The following NT5C1B variants were observed in gnomAD, a reference collection of about 807,000 sequenced individuals.
The protein encoded by NT5C1B is 5'-nucleotidase, cytosolic IB.
Under a neutral mutation model 57.8 loss-of-function variants are expected in NT5C1B, and 44 were observed. The ratio of observed to expected loss-of-function variants is 0.76; its 90% CI spans 0.60 to 0.98. The LOEUF is 0.98. Among genes scored for constraint, NT5C1B ranks in the 50% least tolerant of loss-of-function variants. The probability of loss-of-function intolerance (pLI) is 0.00; values close to 1 mark genes in which losing one functional copy is unlikely to be tolerated. For synonymous variants in NT5C1B, 284 were observed against 282.6 expected (o/e 1.00, Z -0.05); for missense variants, 742 against 719.5 (o/e 1.03, Z -0.36).
intron 2 of NT5C1B, chr2:18,586,945 A>C: frequency 1.2e-6 from 2 of 1,613,538 alleles, no homozygotes; most frequent in Non-Finnish European, 1.7e-6. Context: ...CCCCTCACCC[A>C]GGTTGTCTGT....
chr2:18,576,483 A>G, intron 7 of NT5C1B, 115 bp from the exon 8 acceptor site: 1 of 1,382,922 alleles, frequency 7.2e-7, no homozygotes, highest in South Asian at 1.6e-5. Flanking sequence ...CTATTACCTG[A>G]TGGCTCAACT....
At chr2:18,588,597 G>A (rs1014663630) in intron 1 of NT5C1B, among the ~76,000 whole-genome samples, 1 of 152,116 alleles carries the variant, frequency 6.6e-6, no homozygotes, top group African/African-American at 2.4e-5. Context: ...AATTCCAAAT[G>A]ATATTTTGAA....
chr2:18,581,546 C>T (rs917494724), intron 6 of NT5C1B, among the ~76,000 whole-genome samples: 1 of 151,512 alleles, frequency 6.6e-6, no homozygotes, highest in South Asian at 2.1e-4. Flanking sequence ...TAGGTCAGGT[C>T]CATTAACTGT....
At chr2:18,577,629 T>C (rs1169286897) in intron 6 of NT5C1B, among the ~76,000 whole-genome samples, 1 of 151,492 alleles carries the variant, frequency 6.6e-6, no homozygotes, top group African/African-American at 2.4e-5. Flanking sequence ...GGGGAGTTTA[T>C]AGCACGAAAC....
rs115077511 is a variant in NT5C1B at position 18,588,469 on chromosome 2, T to C, written c.31-877A>G. On this transcript the variant is annotated intron_variant, in intron 1 of 8. Coordinates refer to ENST00000304081, the Ensembl canonical transcript of NT5C1B. ...ATCAATGTTAGTTGCATGAGAATGT[T>C]AGTTGCATGAGAGAATGGCATAGCT... Among the ~76,000 whole-genome samples, 1,365 of 152,302 alleles carry C rather than the reference T, an allele frequency of 9.0e-3. 13 individuals carry two copies. Among genetic ancestry groups the C allele is most frequent in the Middle Eastern group, 0.014 (4 of 294 alleles).
At chr2:18,588,333 T>G (rs145213026) in intron 1 of NT5C1B, among the ~76,000 whole-genome samples, 1 of 152,266 alleles carries the variant, frequency 6.6e-6, no homozygotes, top group Non-Finnish European at 1.5e-5. Context: ...TGATCAAGAT[T>G]AGTGTTATTT....
At chr2:18,566,193 T>C (rs556625430) in intron 8 of NT5C1B, among the ~76,000 whole-genome samples, 190 of 152,308 alleles carry the variant, frequency 1.2e-3, no homozygotes, top group African/African-American at 4.2e-3. Context: ...ATGTATTCAA[T>C]GTCAGCTCTC....
At position 18,584,347 on chromosome 2, in the gene NT5C1B, CGGGCCCCTGCTT is replaced by C; in HGVS notation, c.724-104_724-93del. ...CCAGGGTAGGGTGAGAGTAGGACAG[CGGGCCCCTGCTT>C]GGAGAAGCGGGATGCTGGAGACAGC... On this transcript the variant is annotated intron_variant, in intron 4 of 8. Coordinates refer to ENST00000304081, the Ensembl canonical transcript of NT5C1B. This position sits in a 1 kb window ranked among gnomAD's most constrained non-coding sequence, Gnocchi z 5.8. 1.3e-6 allele frequency: 2 copies of C among 1,555,132 alleles called. No individual in the cohort carries two copies. The highest frequency in any genetic ancestry group is 2.7e-5 in the African/African-American group (2 of 73,582).
At chr2:18,587,886 A>G (rs1040218055) in intron 1 of NT5C1B, among the ~76,000 whole-genome samples, 1 of 152,164 alleles carries the variant, frequency 6.6e-6, no homozygotes, top group Admixed American at 6.5e-5. Flanking sequence ...ATATTAGAGA[A>G]TTGTGAAGTT....
rs1356409463 is a variant in NT5C1B at position 18,580,507 on chromosome 2, C to A, written c.1021+2361G>T. Among the ~76,000 whole-genome samples the A allele has an allele frequency of 2.0e-5, 3 of 152,026 alleles. No homozygotes were observed. In the East Asian group the frequency reaches 5.8e-4, roughly 29 times the overall value. On this transcript the variant is annotated intron_variant, in intron 6 of 8. Coordinates refer to ENST00000304081, the Ensembl canonical transcript of NT5C1B. ...GCACATGCCTGTAATCCCAGCTACT[C>A]GGGAGGCTGAGGCAGGAGAATCACT...
At chr2:18,564,710 T>C (rs972330456) in intron 8 of NT5C1B, among the ~76,000 whole-genome samples, 1 of 152,210 alleles carries the variant, frequency 6.6e-6, no homozygotes, top group Non-Finnish European at 1.5e-5. Flanking sequence ...TAAGTTTTTG[T>C]TCATTTACAT....
At position 18,582,559 on chromosome 2, in the gene NT5C1B, C is replaced by T. The variant is rs576903593; in HGVS notation, c.1021+309G>A. 9.2e-5 allele frequency among the ~76,000 whole-genome samples: 14 copies of T among 152,264 alleles called. No individual in the cohort carries two copies. The South Asian group carries it at 1.5e-3, about 16-fold the overall frequency. On this transcript the variant is annotated intron_variant, in intron 6 of 8. Transcript: ENST00000304081. ...CACACAGTAAAAGCCTTTGGGTTGA[C>T]GGCTTCTTGAAGTCAAGTTCAGAAG...
intron 8 of NT5C1B, among the ~76,000 whole-genome samples, chr2:18,570,455 C>CTT: frequency 6.6e-6 from 1 of 152,042 alleles, no homozygotes; most frequent in South Asian, 2.1e-4. Flanking sequence ...ATAAAACACT[C>CTT]TAAGAGTTTA....
intron 8 of NT5C1B, among the ~76,000 whole-genome samples, chr2:18,568,883 C>T (rs979816350): frequency 2.4e-4 from 36 of 152,124 alleles, no homozygotes; most frequent in African/African-American, 8.4e-4. Flanking sequence ...CTCATATCTC[C>T]CTTAAATGAA....
At chr2:18,569,061 A>G (rs1664913187) in intron 8 of NT5C1B, among the ~76,000 whole-genome samples, 1 of 152,204 alleles carries the variant, frequency 6.6e-6, no homozygotes, top group African/African-American at 2.4e-5. Context: ...AGTTTATAGA[A>G]TAGATAAAAT....
rs199697290 is a variant in NT5C1B, at chr2:18,584,998, G to A, written c.259-20C>T. Reference sequence around the variant, plus strand: ...GGGGAGCTGCAGCAAGACAATGGGCGTCTGAAGTCGAGGCCTGCCTGCCCA... The same window carrying A: ...GGGGAGCTGCAGCAAGACAATGGGCATCTGAAGTCGAGGCCTGCCTGCCCA... On this transcript the variant is annotated intron_variant, in intron 3 of 8. Transcript: ENST00000304081. The surrounding 1 kb of genome is among the most constrained non-coding windows in gnomAD (Gnocchi z 5.8). 14 of 1,567,988 alleles carry A rather than the reference G, an allele frequency of 8.9e-6. No homozygotes were observed. Among genetic ancestry groups the A allele is most frequent in the East Asian group, 4.5e-5 (2 of 44,554 alleles).
At chr2:18,587,900 T>C (rs900307729) in intron 1 of NT5C1B, among the ~76,000 whole-genome samples, 2 of 152,218 alleles carry the variant, frequency 1.3e-5, no homozygotes, top group African/African-American at 2.4e-5. Context: ...TGAAGTTGTT[T>C]ATGTAGAATA....
In NT5C1B at chr2:18,576,803, A is replaced by G. The variant is rs148789216; in HGVS notation, c.1114T>C (p.Ser372Pro). ...TGTATTGCCTCTTGCACTTTTTCAG[A>G]ATCTGCAGCAATATACAAGTTGGTA... Residue 372 changes from serine (S) to proline (P), a missense_variant, in exon 7 of 9, where the codon TCT (serine) becomes CCT (proline). Coordinates refer to ENST00000304081, the Ensembl canonical transcript of NT5C1B. 8.1e-6 allele frequency: 13 copies of G among 1,613,846 alleles called. No homozygotes were observed. In the African/African-American group the frequency reaches 1.5e-4, roughly 18 times the overall value.
intron 3 of NT5C1B, 26 bp downstream of exon 3, chr2:18,586,228 C>T (rs758871035): frequency 1.9e-6 from 3 of 1,610,456 alleles, no homozygotes; most frequent in Non-Finnish European, 1.7e-6. Flanking sequence ...CTATCATCTA[C>T]TACTCCCTTT....
Sources: gnomAD v4.1 joint callset for allele counts (sites outside exome capture counted in the v4.1 genomes callset) on GRCh38, gnomAD v4.1.1 for gene constraint, Gnocchi (gnomAD v3.1) non-coding constraint, MANE v1.5 for transcripts, NCBI Gene and HGNC (gene_info 2026-07-23, HGNC 2026-07-21) for gene names.